Variants in ATL2 observed in about 807,000 individuals in gnomAD.
The protein encoded by ATL2 is atlastin-2.
ATL2 carries 31 observed loss-of-function variants against 73.9 expected under a neutral mutation model. The ratio of observed to expected loss-of-function variants is 0.42; its 90% CI spans 0.32 to 0.57. The LOEUF is 0.57. ATL2 is among the 20% of genes least tolerant of loss of function. The pLI is 0.14. For missense variants in ATL2, 738 were observed against 702.6 expected (o/e 1.05, Z -0.57); for synonymous variants, 291 against 237.5 (o/e 1.23, Z -2.07).
At chr2:38,378,336 G>A (rs1389769506), upstream of ATL2, among the ~76,000 whole-genome samples, 6 of 152,290 alleles carry the variant, frequency 3.9e-5, no homozygotes, top group South Asian at 2.1e-4. Flanking sequence ...CGCCTCCCGG[G>A]TTCAAGCAAT....
chr2:38,342,834 G>A (rs1166333978), intron 2 of ATL2, among the ~76,000 whole-genome samples: 1 of 152,014 alleles, frequency 6.6e-6, no homozygotes, highest in Non-Finnish European at 1.5e-5. Context: ...TATGCAGAAG[G>A]GAATTATGGC....
intron 9 of ATL2, among the ~76,000 whole-genome samples, chr2:38,304,090 C>T (rs1395520570): frequency 6.6e-6 from 1 of 152,022 alleles, no homozygotes; most frequent in Non-Finnish European, 1.5e-5. Context: ...ACAGCAAGGC[C>T]CCATTTCTAT....
At chr2:38,366,131 C>A (rs918220336) in intron 1 of ATL2, among the ~76,000 whole-genome samples, 2 of 150,724 alleles carry the variant, frequency 1.3e-5, no homozygotes, top group Admixed American at 1.3e-4. Context: ...AAAGTCAGAG[C>A]TTCGCACTAT....
chr2:38,318,674 C>T (rs774363875), intron 3 of ATL2, 35 bp from the exon 4 acceptor site: 1 of 1,509,538 alleles, frequency 6.6e-7, no homozygotes, highest in African/African-American at 1.4e-5. Context: ...TTTAGTAAAA[C>T]AGTTGCCAAA....
chr2:38,371,526 T>G (rs1180194840), intron 1 of ATL2, among the ~76,000 whole-genome samples: 1 of 151,208 alleles, frequency 6.6e-6, no homozygotes, highest in African/African-American at 2.4e-5. Context: ...AAAACAAAAT[T>G]TTTAAAAAAA....
chr2:38,300,190 G>A, intron 10 of ATL2, 82 bp downstream of exon 10: 2 of 1,249,778 alleles, frequency 1.6e-6, no homozygotes, highest in South Asian at 1.4e-5. Context: ...CCCATTTTCA[G>A]CATTTCTCTC....
At chr2:38,373,093 C>T (rs562874913) in intron 1 of ATL2, among the ~76,000 whole-genome samples, 7 of 152,156 alleles carry the variant, frequency 4.6e-5, no homozygotes, top group African/African-American at 1.7e-4. Flanking sequence ...CTGTTTCCCA[C>T]GACAGCCTTG....
chr2:38,296,671 CTG>C lies in ATL2; in HGVS notation c.1633-560_1633-559del, dbSNP rs1558379326. 3.2e-6 allele frequency: 5 copies of C among 1,569,984 alleles called. No homozygotes were observed. In the South Asian group the frequency reaches 4.6e-5, roughly 15 times the overall value. ...AGTTTAAGACTACAAGAATTTGAGACTGTAGGTTTCTCACCTTCCTGGGACTC... is the reference window on the plus strand; with the variant it reads ...AGTTTAAGACTACAAGAATTTGAGACTAGGTTTCTCACCTTCCTGGGACTC... On this transcript the variant is annotated intron_variant, in intron 12 of 12. Transcript: ENST00000378954.
Position 38,319,011 on chromosome 2 carries a change from T to C in ATL2, c.372A>G (p.Gln124=), listed in dbSNP as rs1384610363. The part of the protein sequence containing the change: ...MLRYMYNKDS[Q]SWIGGNNEPL... ...GTTCATTGTTTCCACCAATCCAACT[T>C]TGAGAATCCTGTTAAAGTCAAGGAT... is the stretch of plus-strand genomic sequence containing the variant. The change falls in exon 3 of 13, where the codon CAA becomes CAG. Residue 124 remains glutamine, a synonymous_variant. Transcript: ENST00000378954. 3 of 1,612,176 alleles carry C rather than the reference T, an allele frequency of 1.9e-6. No individual in the cohort carries two copies. The highest frequency in any genetic ancestry group is 1.7e-5 in the Admixed American group (1 of 59,590).
chr2:38,323,904 T>C (rs1315701835), intron 2 of ATL2, among the ~76,000 whole-genome samples: 3 of 152,136 alleles, frequency 2.0e-5, no homozygotes, highest in Non-Finnish European at 2.9e-5. Flanking sequence ...TCACAATGGA[T>C]AGGCTGGAAG....
chr2:38,340,981 G>A (rs1669680295), intron 2 of ATL2, among the ~76,000 whole-genome samples: 1 of 152,194 alleles, frequency 6.6e-6, no homozygotes, highest in Non-Finnish European at 1.5e-5. Flanking sequence ...TTTGTGCAGA[G>A]ATTGCAAATA....
chr2:38,317,848 T>C (rs987309720), intron 4 of ATL2, among the ~76,000 whole-genome samples: 1 of 151,912 alleles, frequency 6.6e-6, no homozygotes, highest in Admixed American at 6.6e-5. Flanking sequence ...AAGAGACTGG[T>C]TGTTGGTTTA....
Position 38,343,438 on chromosome 2 carries a change from G to C in ATL2, c.193C>G (p.Leu65Val). The change falls in exon 2 of 13, where the codon CTT becomes GTT. Residue 65 changes from leucine to valine, a missense_variant. Coordinates refer to ENST00000378954, the MANE Select transcript of ATL2 (RefSeq NM_001135673.4). Reference sequence around the variant, plus strand: ...AAGTTATGGTCATCTTCATGAGCAAGAACAATCTGTACTGGACATGGTTTC... The same window carrying C: ...AAGTTATGGTCATCTTCATGAGCAACAACAATCTGTACTGGACATGGTTTC... Reference protein sequence around the residue: ...MKKPCPVQIVLAHEDDHNFEL... With the variant: ...MKKPCPVQIVVAHEDDHNFEL... 6.2e-7 allele frequency: 1 copy of C among 1,612,796 alleles called. No homozygotes were observed. The highest frequency in any genetic ancestry group is 8.5e-7 in the Non-Finnish European group (1 of 1,179,432).
At chr2:38,340,032 A>C (rs1669614059) in intron 2 of ATL2, among the ~76,000 whole-genome samples, 1 of 152,148 alleles carries the variant, frequency 6.6e-6, no homozygotes, top group Admixed American at 6.5e-5. Context: ...TAACGCAAAA[A>C]CATGAGTACA....
chr2:38,360,044 C>A (rs1670915687), intron 1 of ATL2, among the ~76,000 whole-genome samples: 1 of 148,650 alleles, frequency 6.7e-6, no homozygotes, highest in Non-Finnish European at 1.5e-5. Flanking sequence ...ACACGAGAAT[C>A]ACTTGAACCT....
At chr2:38,314,355 G>A (rs1046835908) in intron 6 of ATL2, among the ~76,000 whole-genome samples, 1 of 152,070 alleles carries the variant, frequency 6.6e-6, no homozygotes, top group Admixed American at 6.5e-5. Flanking sequence ...AATAACATCT[G>A]TTAAGAGAAA....
chr2:38,332,910 C>T (rs924274654), intron 2 of ATL2, among the ~76,000 whole-genome samples: 1 of 152,144 alleles, frequency 6.6e-6, no homozygotes, highest in Non-Finnish European at 1.5e-5. Context: ...AATTCTGAAG[C>T]CAGGCTCAAT....
intron 1 of ATL2, among the ~76,000 whole-genome samples, chr2:38,369,267 T>A (rs950271052): frequency 6.7e-6 from 1 of 150,212 alleles, no homozygotes; most frequent in Non-Finnish European, 1.5e-5. Flanking sequence ...CTGACCAACA[T>A]AGTGAAACCC....
chr2:38,362,314 A>G (rs1384859184), intron 1 of ATL2, among the ~76,000 whole-genome samples: 5 of 152,204 alleles, frequency 3.3e-5, no homozygotes, highest in Non-Finnish European at 5.9e-5. Context: ...TACCAGACAT[A>G]TCACGGGGCA....
Sources: gnomAD v4.1 joint callset for allele counts (sites outside exome capture counted in the v4.1 genomes callset) on GRCh38, gnomAD v4.1.1 for gene constraint, MANE v1.5 for transcripts, NCBI Gene and HGNC (gene_info 2026-07-23, HGNC 2026-07-21) for gene names.